The following MYZAP variants were observed in gnomAD, a reference collection of about 807,000 sequenced individuals.
MYZAP encodes the protein myocardial zonula adherens protein.
A neutral mutation model predicts 69.4 loss-of-function variants in MYZAP; 66 were observed. That is an observed-to-expected ratio of 0.95 (90% CI 0.78 to 1.17). The LOEUF is 1.17. MYZAP is among the 50% of genes most tolerant of loss of function. The probability of loss-of-function intolerance (pLI) is 0.00; values close to 1 mark genes in which losing one functional copy is unlikely to be tolerated. For missense variants in MYZAP, 611 were observed against 556.2 expected, an observed-to-expected ratio of 1.10 and a Z score of -0.99; for synonymous variants, 256 against 205.9, an observed-to-expected ratio of 1.24 and a Z score of -2.09.
intron 2 of MYZAP, among the ~76,000 whole-genome samples, chr15:57,608,475 C>T (rs894043147): frequency 6.6e-6 from 1 of 152,128 alleles, no homozygotes; most frequent in Non-Finnish European, 1.5e-5. Flanking sequence ...TTGGAGGTTT[C>T]CTATCCCTAA....
chr15:57,611,518 T>A lies in MYZAP; in HGVS notation c.163-6515T>A, dbSNP rs142604988. ...GTCTGCGTTGAAGCTGTGTACTAGCTGCACACTAGTCTGCATGGAAGCTGT... is the reference window on the plus strand; with the variant it reads ...GTCTGCGTTGAAGCTGTGTACTAGCAGCACACTAGTCTGCATGGAAGCTGT... On this transcript the variant is annotated intron_variant, in intron 2 of 12. Transcript: ENST00000267853. 3.1e-3 allele frequency among the ~76,000 whole-genome samples: 474 copies of A among 152,292 alleles called. 4 individuals carry two copies. The highest frequency in any genetic ancestry group is 5.6e-3 in the Admixed American group (85 of 15,296).
At chr15:57,656,755 G>T (rs1175237480) in intron 10 of MYZAP, among the ~76,000 whole-genome samples, 2 of 152,164 alleles carry the variant, frequency 1.3e-5, no homozygotes, top group Non-Finnish European at 2.9e-5. Context: ...AGTCAATTCA[G>T]ATCACAGAAT....
chr15:57,619,108 A>G (rs1395387492), intron 3 of MYZAP, among the ~76,000 whole-genome samples: 1 of 152,212 alleles, frequency 6.6e-6, no homozygotes, highest in African/African-American at 2.4e-5. Context: ...TAAGGTTAAA[A>G]ACACAGCTTT....
intron 2 of MYZAP, among the ~76,000 whole-genome samples, chr15:57,606,987 G>T (rs1288193863): frequency 2.0e-5 from 3 of 152,206 alleles, no homozygotes; most frequent in African/African-American, 7.2e-5. Context: ...ATTGAGTGGG[G>T]CCATCTGTCA....
At chr15:57,669,864 T>G (rs9920996) in intron 11 of MYZAP, among the ~76,000 whole-genome samples, 138,207 of 152,124 alleles carry the variant, frequency 0.91, 63,659 homozygotes, top group Non-Finnish European at 0.98. Context: ...TCAAAATATT[T>G]CCTAATTTCC....
intron 11 of MYZAP, among the ~76,000 whole-genome samples, chr15:57,664,237 T>C (rs1275403376): frequency 1.3e-5 from 2 of 152,188 alleles, no homozygotes; most frequent in South Asian, 2.1e-4. Flanking sequence ...GTGGGTTACA[T>C]AGGTTCTTGG....
chr15:57,611,328 C>T (rs571989122), intron 2 of MYZAP, among the ~76,000 whole-genome samples: 5 of 152,330 alleles, frequency 3.3e-5, no homozygotes, highest in Non-Finnish European at 5.9e-5. Flanking sequence ...ACTTGCGTGC[C>T]TTCTCCTATC....
At chr15:57,611,175 G>A (rs1263102826) in intron 2 of MYZAP, among the ~76,000 whole-genome samples, 1 of 152,088 alleles carries the variant, frequency 6.6e-6, no homozygotes, top group African/African-American at 2.4e-5. Flanking sequence ...GAAATTGGTG[G>A]TATGATCCCC....
chr15:57,677,686 T>G (rs1595944145), intron 12 of MYZAP, among the ~76,000 whole-genome samples: 2 of 152,194 alleles, frequency 1.3e-5, no homozygotes, highest in East Asian at 3.9e-4. Flanking sequence ...AGCGTTTTGT[T>G]CTTTGTCCCT....
chr15:57,614,102 C>T (rs978718276), intron 2 of MYZAP, among the ~76,000 whole-genome samples: 26 of 152,208 alleles, frequency 1.7e-4, no homozygotes, highest in African/African-American at 6.0e-4. Flanking sequence ...ATGTTGTGAC[C>T]GGGGTAAACA....
intron 1 of MYZAP, chr15:57,599,687 T>C: frequency 7.8e-7 from 1 of 1,289,180 alleles, no homozygotes; most frequent in Non-Finnish European, 1.0e-6. Flanking sequence ...GAGATCAGCC[T>C]CGTAAAATGC....
chr15:57,629,564 G>A (rs2036370621), intron 5 of MYZAP, 138 bp from the exon 6 acceptor site: 2 of 1,207,394 alleles, frequency 1.7e-6, no homozygotes, highest in African/African-American at 1.6e-5. Flanking sequence ...TCACAGCACA[G>A]GGTCCCAGAC....
intron 2 of MYZAP, among the ~76,000 whole-genome samples, chr15:57,611,087 C>T (rs1164193362): frequency 6.6e-6 from 1 of 152,152 alleles, no homozygotes; most frequent in African/African-American, 2.4e-5. Flanking sequence ...ACTAGAAACT[C>T]CCAGTATCTA....
chr15:57,668,420 C>G (rs1317860377), intron 11 of MYZAP, among the ~76,000 whole-genome samples: 2 of 152,164 alleles, frequency 1.3e-5, no homozygotes, highest in Non-Finnish European at 2.9e-5. Context: ...ACCAGTGTCT[C>G]CATATCCTAA....
At chr15:57,637,870 G>A in intron 9 of MYZAP, 96 bp downstream of exon 9, 2 of 1,294,582 alleles carry the variant, frequency 1.5e-6, no homozygotes, top group African/African-American at 1.5e-5. Context: ...CATTTGTGTG[G>A]TTGTACCTTA....
chr15:57,676,133 A>G (rs967156092), intron 12 of MYZAP, among the ~76,000 whole-genome samples: 2 of 152,210 alleles, frequency 1.3e-5, no homozygotes, highest in African/African-American at 2.4e-5. Flanking sequence ...CTCAACTTCT[A>G]AAGTCAGTGA....
At position 57,621,589 on chromosome 15, in the gene MYZAP, G is replaced by A. The variant is rs752134567; in HGVS notation, c.319-19G>A. ...AATGTTATGGCTTGATCTCTAACTAGTATCTTTGTGGGCTACAGGTGAGAG... is the reference window on the plus strand; with the variant it reads ...AATGTTATGGCTTGATCTCTAACTAATATCTTTGTGGGCTACAGGTGAGAG... On this transcript the variant is annotated intron_variant, in intron 3 of 12. Coordinates refer to ENST00000267853, the MANE Select transcript of MYZAP (RefSeq NM_001018100.5). The A allele has an allele frequency of 3.7e-6, 6 of 1,610,682 alleles. No individual in the cohort carries two copies. The highest frequency in any genetic ancestry group is 4.2e-6 in the Non-Finnish European group (5 of 1,177,950).
chr15:57,612,472 C>T (rs1365037625), intron 2 of MYZAP, among the ~76,000 whole-genome samples: 1 of 152,168 alleles, frequency 6.6e-6, no homozygotes, highest in African/African-American at 2.4e-5. Context: ...TGACTGTATA[C>T]TCCAAATATT....
chr15:57,681,469 T>G (rs2039437776), intron 12 of MYZAP, among the ~76,000 whole-genome samples: 1 of 152,210 alleles, frequency 6.6e-6, no homozygotes, highest in African/African-American at 2.4e-5. Context: ...GACACAAATG[T>G]GTAGACCAAC....
Sources: gnomAD v4.1 joint callset for allele counts (sites outside exome capture counted in the v4.1 genomes callset) on GRCh38, gnomAD v4.1.1 for gene constraint, MANE v1.5 for transcripts, NCBI Gene and HGNC (gene_info 2026-07-23, HGNC 2026-07-21) for gene names.